The following PCDHGA2 variants were observed in gnomAD, a reference collection of about 807,000 sequenced individuals.
PCDHGA2 encodes protocadherin gamma-A2.
A neutral mutation model predicts 59.2 loss-of-function variants in PCDHGA2; 40 were observed. The ratio of observed to expected loss-of-function variants is 0.68; its 90% CI spans 0.52 to 0.88. The LOEUF is 0.88. Ranked by LOEUF, PCDHGA2 falls within the 40% of genes least tolerant of loss-of-function variation. The pLI is 0.00. For synonymous variants in PCDHGA2, 560 were observed against 526.0 expected, an observed-to-expected ratio of 1.06 and a Z score of -0.89; for missense variants, 1,226 against 1,204.0, an observed-to-expected ratio of 1.02 and a Z score of -0.27.
At chr5:141,346,636 T>C (rs1757784214) in intron 1 of PCDHGA2, 1 of 926,060 alleles carries the variant, frequency 1.1e-6, no homozygotes, top group East Asian at 2.7e-5. Flanking sequence ...GGTCTGGTTA[T>C]GGTTGAGTGG....
chr5:141,470,242 T>G (rs1301513342), intron 1 of PCDHGA2, among the ~76,000 whole-genome samples: 1 of 152,226 alleles, frequency 6.6e-6, no homozygotes, highest in African/African-American at 2.4e-5. Flanking sequence ...CCCTTGAATG[T>G]CCCACCTGTC....
chr5:141,410,440 G>A, intron 1 of PCDHGA2: 1 of 1,614,036 alleles, frequency 6.2e-7, no homozygotes, highest in Non-Finnish European at 8.5e-7. Context: ...ACAGTGAGGG[G>A]ACTTTGCCTT....
chr5:141,480,336 G>A (rs755963190), intron 1 of PCDHGA2, among the ~76,000 whole-genome samples: 1 of 151,988 alleles, frequency 6.6e-6, no homozygotes, highest in Non-Finnish European at 1.5e-5. Flanking sequence ...AATTGCTTGA[G>A]CCTGGGAGGT....
Position 141,485,716 on chromosome 5 carries a change from T to C in PCDHGA2, c.2425-9091T>C. Reference sequence around the variant, plus strand: ...GCTCCAATGAACACTTTGCACTGGATGTGAAGAAGCGCAGCGACGGCAGCC... The same window carrying C: ...GCTCCAATGAACACTTTGCACTGGACGTGAAGAAGCGCAGCGACGGCAGCC... On this transcript the variant is annotated intron_variant, in intron 1 of 3. Coordinates refer to ENST00000394576, the MANE Select transcript of PCDHGA2 (RefSeq NM_018915.4). The surrounding 1 kb of genome is among the most constrained non-coding windows in gnomAD (Gnocchi z 5.7). The C allele has an allele frequency of 6.2e-7, 1 of 1,614,044 alleles. No individual in the cohort carries two copies. Among genetic ancestry groups the C allele is most frequent in the Non-Finnish European group, 8.5e-7 (1 of 1,180,002 alleles).
rs770680401 is a variant in PCDHGA2, at chr5:141,340,316, G to T, written c.1345G>T (p.Ala449Ser). 2 of 1,614,034 alleles carry T rather than the reference G, an allele frequency of 1.2e-6. No homozygotes were observed. The highest frequency in any genetic ancestry group is 3.3e-5 in the Admixed American group (2 of 60,022). Residue 449 changes from alanine (A) to serine (S), a missense_variant, in exon 1 of 4, where the codon GCA (alanine) becomes TCA (serine). Transcript: ENST00000394576. ...CCAGGTGGCAGACATCAACGACAAC[G>T]CACCCGCCTTCTCCCGCACATCCTA... ...LLQVADINDN[A>S]PAFSRTSYST...
At position 141,469,759 on chromosome 5, in the gene PCDHGA2, T is replaced by C. The variant is rs192437401; in HGVS notation, c.2425-25048T>C. On this transcript the variant is annotated intron_variant, in intron 1 of 3. Coordinates refer to ENST00000394576, the MANE Select transcript of PCDHGA2 (RefSeq NM_018915.4). ...ACCTCAAAAATTACAAAAATACATATATACCAGCTTATTTATTACAGCGTT... is the reference window on the plus strand; with the variant it reads ...ACCTCAAAAATTACAAAAATACATACATACCAGCTTATTTATTACAGCGTT... 3.9e-3 allele frequency among the ~76,000 whole-genome samples: 591 copies of C among 152,310 alleles called. 6 individuals are homozygous for C. Among genetic ancestry groups the C allele is most frequent in the Admixed American group, 0.011 (171 of 15,298 alleles).
chr5:141,341,547 T>G lies in PCDHGA2; in HGVS notation c.2424+152T>G, dbSNP rs1274385616. The stretch of plus-strand genomic sequence containing the variant: ...TGGTGAATTATTTCTTGGTAGGTCT[T>G]AGTGTTCACAGGCTGTAAGAGGAAG... On this transcript the variant is annotated intron_variant, in intron 1 of 3. Coordinates refer to ENST00000394576, the MANE Select transcript of PCDHGA2 (RefSeq NM_018915.4). 4 of 1,431,758 alleles carry G rather than the reference T, an allele frequency of 2.8e-6. No homozygotes were observed. In the East Asian group the frequency reaches 9.6e-5, roughly 34 times the overall value. 88.7% of individuals were successfully genotyped at this position (1,431,758 alleles called of 1,614,324 possible).
At chr5:141,429,542 A>G (rs1484411621) in intron 1 of PCDHGA2, among the ~76,000 whole-genome samples, 3 of 152,188 alleles carry the variant, frequency 2.0e-5, no homozygotes, top group African/African-American at 7.2e-5. Context: ...AAATAAGAAC[A>G]TGGTAATGAT....
Position 141,341,365 on chromosome 5 carries a change from C to T in PCDHGA2, c.2394C>T (p.Leu798=). The T allele has an allele frequency of 6.2e-7, 1 of 1,614,232 alleles. No homozygotes were observed. Among genetic ancestry groups the T allele is most frequent in the Non-Finnish European group, 8.5e-7 (1 of 1,180,048 alleles). ...KDFLSAPQSL[L]EEEREETFSQ... ...TTTTATCAGCGCCTCAATCTCTACT[C>T]GAAGAAGAAAGAGAAGAAACGTTTT... is the stretch of plus-strand genomic sequence containing the variant. The change falls in exon 1 of 4, where the codon CTC becomes CTT. Residue 798 remains leucine (L), a synonymous_variant. Transcript: ENST00000394576.
In PCDHGA2 at chr5:141,448,679, G is replaced by A. The variant is rs113043083; in HGVS notation, c.2425-46128G>A. On this transcript the variant is annotated intron_variant, in intron 1 of 3. Coordinates refer to ENST00000394576, the MANE Select transcript of PCDHGA2 (RefSeq NM_018915.4). Reference sequence around the variant, plus strand: ...ATATTGGCCGGGCGCGGTGGCTCACGCCTGTAATCGCAGCACTTTGGGAGG... The same window carrying A: ...ATATTGGCCGGGCGCGGTGGCTCACACCTGTAATCGCAGCACTTTGGGAGG... Among the ~76,000 whole-genome samples the A allele has an allele frequency of 8.3e-3, 1,260 of 152,126 alleles. 17 individuals are homozygous for A. Among genetic ancestry groups the A allele is most frequent in the African/African-American group, 0.029 (1,195 of 41,496 alleles).
chr5:141,405,439 A>G (rs1285285172), intron 1 of PCDHGA2: 1 of 1,423,798 alleles, frequency 7.0e-7, no homozygotes, highest in Admixed American at 2.0e-5. Context: ...TTTGTTTTTG[A>G]GACAGAGTCT....
At chr5:141,405,173 G>A (rs774181376) in intron 1 of PCDHGA2, 1 of 1,614,122 alleles carries the variant, frequency 6.2e-7, no homozygotes, top group Non-Finnish European at 8.5e-7. Context: ...CTCACACTTT[G>A]TGGGTGTAGA....
intron 1 of PCDHGA2, chr5:141,372,940 T>G: frequency 1.2e-6 from 1 of 817,644 alleles, no homozygotes; most frequent in Non-Finnish European, 1.8e-6. Flanking sequence ...TAGAGTAGGG[T>G]GTCTAGGAAA....
intron 1 of PCDHGA2, among the ~76,000 whole-genome samples, chr5:141,472,924 T>G (rs1247655318): frequency 2.0e-5 from 3 of 147,960 alleles, no homozygotes; most frequent in African/African-American, 7.5e-5. Flanking sequence ...AGGAGGAGGT[T>G]GTGGTGAGCC....
chr5:141,441,370 C>A (rs1378574921), intron 1 of PCDHGA2: 1 of 152,672 alleles, frequency 6.5e-6, no homozygotes, highest in African/African-American at 2.4e-5. Flanking sequence ...GGGCCGTGGA[C>A]CAGGAACAGA....
In PCDHGA2 at chr5:141,418,939, C is replaced by T. The variant is rs766248741; in HGVS notation, c.2425-75868C>T. The T allele has an allele frequency of 8.7e-6, 14 of 1,613,642 alleles. No individual in the cohort carries two copies. In the African/African-American group the frequency reaches 1.7e-4, roughly 20 times the overall value. On this transcript the variant is annotated intron_variant, in intron 1 of 3. Transcript: ENST00000394576. ...TCTCTGATCAGATTATGGAGGATTC[C>T]CCTCCAGGAGTGGTTGTTGCCCTCT...
At position 141,383,035 on chromosome 5, in the gene PCDHGA2, G is replaced by A. The variant is rs550075608; in HGVS notation, c.2424+41640G>A. ...GGAGACGGACAAAGGGTCCTTTGTG[G>A]GAGACATCGCCAAGGACCTGGGGCT... On this transcript the variant is annotated intron_variant, in intron 1 of 3. Coordinates refer to ENST00000394576, the MANE Select transcript of PCDHGA2 (RefSeq NM_018915.4). 3.1e-6 allele frequency: 5 copies of A among 1,613,882 alleles called. No individual in the cohort carries two copies. In the South Asian group the frequency reaches 5.5e-5, roughly 18 times the overall value.
chr5:141,477,600 T>A lies in PCDHGA2; in HGVS notation c.2425-17207T>A, dbSNP rs746047124. The A allele has an allele frequency of 6.2e-6, 10 of 1,614,146 alleles. No homozygotes were observed. The highest frequency in any genetic ancestry group is 7.6e-6 in the Non-Finnish European group (9 of 1,180,026). ...CCGCAGAATGCTCGGCTTTCTTTCT[T>A]TCTCTTGGAGCAAGGAGCTGAAACC... On this transcript the variant is annotated intron_variant, in intron 1 of 3. Coordinates refer to ENST00000394576, the MANE Select transcript of PCDHGA2 (RefSeq NM_018915.4). This position sits in a 1 kb window ranked among gnomAD's most constrained non-coding sequence, Gnocchi z 4.9.
intron 1 of PCDHGA2, among the ~76,000 whole-genome samples, chr5:141,405,944 A>T (rs1435240635): frequency 6.6e-6 from 1 of 152,130 alleles, no homozygotes; most frequent in East Asian, 1.9e-4. Flanking sequence ...TCATGTTCTC[A>T]TAATAATTAA....
Sources: gnomAD v4.1 joint callset for allele counts (sites outside exome capture counted in the v4.1 genomes callset) on GRCh38, gnomAD v4.1.1 for gene constraint, Gnocchi (gnomAD v3.1) non-coding constraint, MANE v1.5 for transcripts, NCBI Gene and HGNC (gene_info 2026-07-23, HGNC 2026-07-21) for gene names.